PSAT1: variants seen among roughly 807,000 people sequenced by gnomAD.
The protein encoded by PSAT1 is phosphoserine aminotransferase.
Under a neutral mutation model 40.3 loss-of-function variants are expected in PSAT1, and 41 were observed. That is an observed-to-expected ratio of 1.02 (90% CI 0.79 to 1.32). PSAT1 has a LOEUF of 1.32. Ranked by LOEUF, PSAT1 falls within the 40% of genes most tolerant of loss-of-function variation. The pLI is 0.00. For missense variants in PSAT1, 406 were observed against 455.8 expected (o/e 0.89, Z 0.99); for synonymous variants, 147 against 170.5 (o/e 0.86, Z 1.07).
chr9:78,308,473 G>C lies in PSAT1; in HGVS notation c.630G>C (p.Val210=). 1 of 1,613,942 alleles carries C rather than the reference G, an allele frequency of 6.2e-7. No homozygotes were observed. The highest frequency in any genetic ancestry group is 2.2e-5 in the East Asian group (1 of 44,882). The change falls in exon 6 of 9, where the codon GTG becomes GTC. Residue 210 remains valine, a synonymous_variant. Coordinates refer to ENST00000376588, the MANE Select transcript of PSAT1 (RefSeq NM_058179.4). ...KNVGSAGVTV[V]IVRDDLLGFA... is the part of the protein sequence containing the mutation. ...TTGGCTCTGCTGGGGTCACCGTGGTGATTGTCCGTGATGACCTGCTGGGGT... is the reference window on the plus strand; with the variant it reads ...TTGGCTCTGCTGGGGTCACCGTGGTCATTGTCCGTGATGACCTGCTGGGGT...
chr9:78,300,896 T>G (rs1377630860), intron 2 of PSAT1, among the ~76,000 whole-genome samples: 2 of 151,920 alleles, frequency 1.3e-5, no homozygotes, highest in Non-Finnish European at 2.9e-5. Flanking sequence ...TTTTTAAATG[T>G]TTAAAACATT....
At chr9:78,317,541 G>T in intron 6 of PSAT1, 135 bp from the exon 7 acceptor site, 2 of 1,108,424 alleles carry the variant, frequency 1.8e-6, no homozygotes, top group Non-Finnish European at 2.7e-6. Flanking sequence ...GTGAGCCACT[G>T]CATTTGACTA....
chr9:78,326,744 G>C (rs907261833), intron 7 of PSAT1, among the ~76,000 whole-genome samples: 1 of 151,526 alleles, frequency 6.6e-6, no homozygotes, highest in African/African-American at 2.4e-5. Flanking sequence ...TGGGTCAGCA[G>C]GTTGGGCTGA....
intron 7 of PSAT1, among the ~76,000 whole-genome samples, chr9:78,324,957 C>CT (rs923807289): frequency 5.9e-5 from 9 of 151,950 alleles, no homozygotes; most frequent in South Asian, 2.1e-4. Flanking sequence ...ACCTAGAAAG[C>CT]TTTTTTTTTG....
intron 5 of PSAT1, among the ~76,000 whole-genome samples, chr9:78,307,952 T>C (rs1828209010): frequency 6.6e-6 from 1 of 151,888 alleles, no homozygotes; most frequent in Admixed American, 6.6e-5. Flanking sequence ...GGCAGGAAAA[T>C]TGCTTGAACC....
At chr9:78,298,196 C>G (rs1350810069) in intron 1 of PSAT1, 2 of 765,686 alleles carry the variant, frequency 2.6e-6, no homozygotes, top group East Asian at 2.5e-4. Flanking sequence ...CCCAGCCCCA[C>G]CCGCAGTGAA....
chr9:78,298,976 T>TA (rs987457543), intron 1 of PSAT1, among the ~76,000 whole-genome samples: 33 of 151,982 alleles, frequency 2.2e-4, no homozygotes, highest in Admixed American at 1.8e-3. Context: ...TCTGTTTCAT[T>TA]AAAAAAATTA....
chr9:78,310,859 C>T (rs1828257125), intron 6 of PSAT1, among the ~76,000 whole-genome samples: 2 of 152,112 alleles, frequency 1.3e-5, no homozygotes, highest in Admixed American at 6.5e-5. Context: ...CCACCTGCCT[C>T]GGCCTCCCAG....
intron 2 of PSAT1, 136 bp from the exon 3 acceptor site, chr9:78,301,818 C>T: frequency 1.4e-6 from 1 of 732,086 alleles, no homozygotes; most frequent in South Asian, 1.5e-5. Context: ...ACTAAGTGAG[C>T]CTTGGCCCAC....
intron 7 of PSAT1, among the ~76,000 whole-genome samples, chr9:78,321,914 A>G (rs11792782): frequency 0.19 from 27,680 of 148,766 alleles, 2,698 homozygotes; most frequent in East Asian, 0.3. Flanking sequence ...TGAATCAAGA[A>G]TATATAATAT....
At position 78,318,847 on chromosome 9, in the gene PSAT1, C is replaced by T. The variant is rs189246785; in HGVS notation, c.869+1043C>T. Among the ~76,000 whole-genome samples, 388 of 152,326 alleles carry T rather than the reference C, an allele frequency of 2.5e-3. 1 individual carries two copies. The highest frequency in any genetic ancestry group is 8.7e-3 in the African/African-American group (361 of 41,570). ...TTCAGGGTCACCATTCAATCCACAA[C>T]AATAGGCCCTTCACCAAAATGCCAG... is the stretch of plus-strand genomic sequence containing the variant. On this transcript the variant is annotated intron_variant, in intron 7 of 8. Coordinates refer to ENST00000376588, the MANE Select transcript of PSAT1 (RefSeq NM_058179.4).
In PSAT1 at chr9:78,314,139, G is replaced by A. The variant is rs1181334408; in HGVS notation, c.741-3537G>A. On this transcript the variant is annotated intron_variant, in intron 6 of 8. Transcript: ENST00000376588. Reference sequence around the variant, plus strand: ...AGACCACTCTATAAGCTGTGTAAGCGTTTTAGAGCCCTTGTGTTTTCAAGA... The same window carrying A: ...AGACCACTCTATAAGCTGTGTAAGCATTTTAGAGCCCTTGTGTTTTCAAGA... 7.9e-5 allele frequency among the ~76,000 whole-genome samples: 12 copies of A among 152,168 alleles called. No individual in the cohort carries two copies. The South Asian group carries it at 1.0e-3, about 13-fold the overall frequency.
intron 1 of PSAT1, 124 bp from the exon 2 acceptor site, chr9:78,300,478 G>A (rs878954050): frequency 2.4e-6 from 3 of 1,227,248 alleles, no homozygotes; most frequent in South Asian, 3.9e-5. Flanking sequence ...GGCTGTGGGT[G>A]GGGATGGAAG....
intron 7 of PSAT1, among the ~76,000 whole-genome samples, chr9:78,327,225 T>G (rs577843052): frequency 2.6e-5 from 4 of 151,670 alleles, no homozygotes; most frequent in Admixed American, 2.6e-4. Flanking sequence ...CTTCCCAAAG[T>G]GCTGGGATTA....
At chr9:78,326,068 C>T (rs1250435781) in intron 7 of PSAT1, among the ~76,000 whole-genome samples, 3 of 152,158 alleles carry the variant, frequency 2.0e-5, no homozygotes, top group Non-Finnish European at 4.4e-5. Context: ...CCTACCACTT[C>T]GAATAGTGGG....
chr9:78,305,052 A>G (rs1314806715), intron 4 of PSAT1, 112 bp downstream of exon 4: 1 of 962,120 alleles, frequency 1.0e-6, no homozygotes. Flanking sequence ...TTAGTTCATT[A>G]CCATTTAGAT....
chr9:78,302,100 C>T (rs993916057), intron 3 of PSAT1, 77 bp downstream of exon 3: 6 of 1,007,878 alleles, frequency 6.0e-6, no homozygotes, highest in Admixed American at 1.8e-5. Flanking sequence ...GTATTTTCTA[C>T]ACTCTATTGT....
chr9:78,313,731 A>G (rs1298790847), intron 6 of PSAT1, among the ~76,000 whole-genome samples: 5 of 152,116 alleles, frequency 3.3e-5, no homozygotes, highest in Non-Finnish European at 5.9e-5. Flanking sequence ...AGAAACCGCA[A>G]ACTCGTAGGC....
chr9:78,303,693 C>G (rs534636204), intron 3 of PSAT1, among the ~76,000 whole-genome samples: 62 of 152,284 alleles, frequency 4.1e-4, no homozygotes, highest in African/African-American at 1.4e-3. Context: ...CTACTAAGCA[C>G]TGAATATAGG....
Sources: allele counts gnomAD v4.1 joint callset (sites outside exome capture counted in the v4.1 genomes callset), GRCh38; gene constraint gnomAD v4.1.1; transcripts MANE v1.5; gene names NCBI Gene and HGNC (gene_info 2026-07-23, HGNC 2026-07-21).